The following GCA variants were observed in gnomAD, a reference collection of about 807,000 sequenced individuals.
GCA encodes grancalcin, EF-hand calcium-binding protein.
A neutral mutation model predicts 32.6 loss-of-function variants in GCA; 30 were observed. The ratio of observed to expected loss-of-function variants is 0.92; its 90% CI spans 0.69 to 1.25. The LOEUF is 1.25. Ranked by LOEUF, GCA falls within the 50% of genes most tolerant of loss-of-function variation. The pLI is 0.00. For missense variants in GCA, 291 were observed against 266.8 expected, an observed-to-expected ratio of 1.09 and a Z score of -0.63; for synonymous variants, 102 against 84.6, an observed-to-expected ratio of 1.21 and a Z score of -1.13.
chr2:162,319,737 C>CATAACT (rs1299125066), intron 1 of GCA, among the ~76,000 whole-genome samples: 1 of 152,142 alleles, frequency 6.6e-6, no homozygotes, highest in African/African-American at 2.4e-5. Flanking sequence ...ACATACGCAC[C>CATAACT]ATAACTAGAA....
At chr2:162,371,939 T>A (rs1489974213), downstream of GCA, 3 of 1,613,902 alleles carry the variant, frequency 1.9e-6, no homozygotes, top group Admixed American at 3.3e-5. Flanking sequence ...TGAACGTAAG[T>A]TTTTCTTTGC....
At position 162,361,703 on chromosome 2, in the gene GCA, A is replaced by G. The variant is rs557242911; in HGVS notation, c.*1460A>G. ...TTTTATAAAAATGTGTGAATAGGTAATACACATAATTTTGTTCTCTGGCTT... is the reference window on the plus strand; with the variant it reads ...TTTTATAAAAATGTGTGAATAGGTAGTACACATAATTTTGTTCTCTGGCTT... On this transcript the variant is annotated 3_prime_UTR_variant, in exon 8 of 8. Coordinates refer to ENST00000437150, the MANE Select transcript of GCA (RefSeq NM_012198.5). The G allele has an allele frequency of 3.1e-6, 3 of 982,194 alleles. No individual in the cohort carries two copies. The highest frequency in any genetic ancestry group is 1.1e-4 in the East Asian group (1 of 8,778). The allele number at this position is 982,194 out of a possible 1,614,324, so 60.8% of individuals were successfully genotyped here. A position where few individuals can be genotyped will look rare whatever the true frequency, so the allele number is the denominator to read the frequency against.
chr2:162,357,560 A>T (rs1034831986), intron 5 of GCA, among the ~76,000 whole-genome samples: 1 of 151,742 alleles, frequency 6.6e-6, no homozygotes, highest in African/African-American at 2.4e-5. Flanking sequence ...ATGAAAATTA[A>T]TTTTTTGGAA....
At position 162,360,474 on chromosome 2, in the gene GCA, G is replaced by T. The variant is rs942478401; in HGVS notation, c.*231G>T. 3 of 997,634 alleles carry T rather than the reference G, an allele frequency of 3.0e-6. No individual in the cohort carries two copies. Among genetic ancestry groups the T allele is most frequent in the African/African-American group, 1.7e-5 (1 of 58,802 alleles). 61.8% of individuals were successfully genotyped at this position (997,634 alleles called of 1,614,324 possible). On this transcript the variant is annotated 3_prime_UTR_variant, in exon 8 of 8. Transcript: ENST00000437150. ...GTTATTTTATAAATATGTGCATATT[G>T]TCATAAAATATTGTATGATTAATTG...
At chr2:162,356,677 A>C in intron 4 of GCA, 81 bp from the exon 5 acceptor site, 3 of 1,100,560 alleles carry the variant, frequency 2.7e-6, no homozygotes, top group Non-Finnish European at 4.0e-6. Context: ...AGTCTACAGA[A>C]GCATACTCAT....
intron 1 of GCA, among the ~76,000 whole-genome samples, chr2:162,322,931 G>A (rs1683736535): frequency 6.6e-6 from 1 of 151,868 alleles, no homozygotes; most frequent in African/African-American, 2.4e-5. Flanking sequence ...CCAGTAATGG[G>A]ATGGCTGGGT....
chr2:162,336,229 AG>A (rs1477818843), intron 1 of GCA, among the ~76,000 whole-genome samples: 1 of 152,198 alleles, frequency 6.6e-6, no homozygotes, highest in Non-Finnish European at 1.5e-5. Flanking sequence ...ATACATGAAA[AG>A]CTATATTTTA....
upstream of GCA, among the ~76,000 whole-genome samples, chr2:162,340,955 C>G (rs932525248): frequency 2.6e-5 from 4 of 152,132 alleles, no homozygotes; most frequent in Non-Finnish European, 4.4e-5. Flanking sequence ...CTCCCTACCC[C>G]TTAACCTTGA....
chr2:162,350,595 A>C (rs1171841603), intron 2 of GCA, among the ~76,000 whole-genome samples: 1 of 152,204 alleles, frequency 6.6e-6, no homozygotes, highest in Non-Finnish European at 1.5e-5. Context: ...TATATAATAC[A>C]TTCATCATAT....
At chr2:162,353,175 A>T (rs75878110) in intron 3 of GCA, among the ~76,000 whole-genome samples, 40 of 141,844 alleles carry the variant, frequency 2.8e-4, no homozygotes, top group African/African-American at 9.9e-4. Flanking sequence ...TTCTTAATAT[A>T]AAAAAAAAAT....
chr2:162,363,683 T>C (rs1290601928), downstream of GCA, among the ~76,000 whole-genome samples: 2 of 151,474 alleles, frequency 1.3e-5, no homozygotes, highest in Non-Finnish European at 3.0e-5. Flanking sequence ...TATCAGCTCA[T>C]TATTTGAATG....
intron 1 of GCA, chr2:162,319,306 A>G (rs1030570353): frequency 6.6e-6 from 3 of 451,816 alleles, no homozygotes; most frequent in African/African-American, 6.0e-5. Flanking sequence ...TGCAGCTTTG[A>G]CCAGGACCTG....
exon 5 of GCA, chr2:162,371,567 G>A: frequency 1.2e-6 from 1 of 860,388 alleles, no homozygotes; most frequent in Non-Finnish European, 1.6e-6. Context: ...TAACATGCAT[G>A]TGATTTAAAA....
At position 162,344,684 on chromosome 2, in the gene GCA, T is replaced by C. The variant is rs376044962; in HGVS notation, c.27+409T>C. On this transcript the variant is annotated intron_variant, in intron 1 of 7. Transcript: ENST00000437150. The stretch of plus-strand genomic sequence containing the variant: ...CACTTCTTGTTCTTTAAGTTCCTTA[T>C]GAATAAATTAAGGTGTACGGTAAAT... Among the ~76,000 whole-genome samples, 6 of 152,108 alleles carry C rather than the reference T, an allele frequency of 3.9e-5. 1 individual carries two copies. Among genetic ancestry groups the C allele is most frequent in the African/African-American group, 1.4e-4 (6 of 41,514 alleles).
chr2:162,373,178 T>C (rs1386715602), downstream of GCA, among the ~76,000 whole-genome samples: 2 of 152,162 alleles, frequency 1.3e-5, no homozygotes, highest in Non-Finnish European at 2.9e-5. Flanking sequence ...CTACCACATG[T>C]AAATTTAAGC....
At chr2:162,363,937 G>A (rs1685673393), downstream of GCA, among the ~76,000 whole-genome samples, 1 of 151,462 alleles carries the variant, frequency 6.6e-6, no homozygotes, top group Admixed American at 6.6e-5. Flanking sequence ...GTGCCATACA[G>A]TAAGAAAATG....
In GCA at chr2:162,360,997, T is replaced by G. The variant is rs945788656; in HGVS notation, c.*754T>G. The G allele has an allele frequency of 4.3e-5, 46 of 1,068,910 alleles. No individual in the cohort carries two copies. The highest frequency in any genetic ancestry group is 4.7e-5 in the Non-Finnish European group (41 of 874,834). 66.2% of individuals were successfully genotyped at this position (1,068,910 alleles called of 1,614,324 possible). ...ATGGCATCCTGCTCTGAATCTAGAC[T>G]TTTTAGAAATGGCATATGTTTTTGA... On this transcript the variant is annotated 3_prime_UTR_variant, in exon 8 of 8. Coordinates refer to ENST00000437150, the MANE Select transcript of GCA (RefSeq NM_012198.5).
intron 1 of GCA, among the ~76,000 whole-genome samples, chr2:162,323,744 C>A (rs1488879487): frequency 6.6e-6 from 1 of 151,742 alleles, no homozygotes; most frequent in Non-Finnish European, 1.5e-5. Context: ...TTTCTGAGGG[C>A]TCTGTTCTGT....
downstream of GCA, among the ~76,000 whole-genome samples, chr2:162,373,046 C>T (rs976234734): frequency 2.0e-5 from 3 of 152,106 alleles, no homozygotes; most frequent in Non-Finnish European, 4.4e-5. Flanking sequence ...CTTCCTGAGA[C>T]CTCTCCCAGC....
Sources: allele counts gnomAD v4.1 joint callset (sites outside exome capture counted in the v4.1 genomes callset), GRCh38; gene constraint gnomAD v4.1.1; transcripts MANE v1.5; gene names NCBI Gene and HGNC (gene_info 2026-07-23, HGNC 2026-07-21).